Variants in JCAD observed in about 807,000 individuals in gnomAD.
The protein encoded by JCAD is junctional cadherin 5 associated, also known as junctional cadherin 5-associated protein.
A neutral mutation model predicts 98.0 loss-of-function variants in JCAD; 40 were observed. The observed-to-expected ratio is 0.41, with a 90% CI of 0.32 to 0.53. The LOEUF is 0.53. Among genes scored for constraint, JCAD ranks in the 20% least tolerant of loss-of-function variants. The pLI, the probability that JCAD is intolerant of heterozygous loss-of-function variation, is 0.31. For missense variants in JCAD, 1,705 were observed against 1,738.1 expected, an observed-to-expected ratio of 0.98 and a Z score of 0.34; for synonymous variants, 691 against 682.3, an observed-to-expected ratio of 1.01 and a Z score of -0.20.
chr10:30,079,670 C>G (rs889237342), intron 1 of JCAD, among the ~76,000 whole-genome samples: 3 of 152,134 alleles, frequency 2.0e-5, no homozygotes, highest in Non-Finnish European at 4.4e-5. Context: ...CGTGGCCACT[C>G]CTACTGAAAG....
intron 3 of JCAD, chr10:30,025,886 A>G: frequency 1.8e-6 from 1 of 568,602 alleles, no homozygotes; most frequent in Non-Finnish European, 3.1e-6. Context: ...GTGAGATACT[A>G]TCTCAAAAAA....
In JCAD at chr10:30,029,881, G is replaced by C. The variant is rs1366445655; in HGVS notation, c.282-15C>G. 1 of 1,606,676 alleles carries C rather than the reference G, an allele frequency of 6.2e-7. No individual in the cohort carries two copies. Among genetic ancestry groups the C allele is most frequent in the Admixed American group, 1.7e-5 (1 of 58,708 alleles). On this transcript the variant is annotated splice_polypyrimidine_tract_variant and intron_variant, in intron 2 of 3. Transcript: ENST00000375377. ...GATTACAAAACCTACAAAACAAAGA[G>C]TCACAGACGTTAGGCACAGAAGAAA...
At position 30,028,482 on chromosome 10, in the gene JCAD, T is replaced by C; in HGVS notation, c.1666A>G (p.Thr556Ala). Residue 556 changes from threonine to alanine, a missense_variant, in exon 3 of 4, where the codon ACC (threonine) becomes GCC (alanine). By Grantham distance (58) the Thr-to-Ala change is moderately conservative. Around this residue, in one of 3 missense-constraint regions of JCAD, gnomAD observed 1,278 missense variants for 1,243.1 expected, o/e 1.03. Coordinates refer to ENST00000375377, the MANE Select transcript of JCAD (RefSeq NM_020848.4). ...SQGESTCETQ[T>A]KLKKFQTGTR... Reference sequence around the variant, plus strand: ...CCAGTTTGGAACTTTTTGAGCTTGGTTTGAGTTTCGCAGGTGCTCTCGCCC... The same window carrying C: ...CCAGTTTGGAACTTTTTGAGCTTGGCTTGAGTTTCGCAGGTGCTCTCGCCC... 6.2e-7 allele frequency: 1 copy of C among 1,614,230 alleles called. No homozygotes were observed. The highest frequency in any genetic ancestry group is 1.3e-5 in the African/African-American group (1 of 75,064).
At chr10:30,040,831 G>T (rs1332599688) in intron 2 of JCAD, among the ~76,000 whole-genome samples, 1 of 152,102 alleles carries the variant, frequency 6.6e-6, no homozygotes, top group Admixed American at 6.5e-5. Flanking sequence ...GGCTGGACCA[G>T]AAGACCCACT....
intron 1 of JCAD, among the ~76,000 whole-genome samples, chr10:30,076,293 C>T (rs764312924): frequency 2.6e-5 from 4 of 152,128 alleles, no homozygotes; most frequent in Non-Finnish European, 5.9e-5. Context: ...TCCCAAAGTG[C>T]TGGGATTACA....
At chr10:30,086,419 C>T (rs1176837262) in intron 1 of JCAD, among the ~76,000 whole-genome samples, 1 of 152,160 alleles carries the variant, frequency 6.6e-6, no homozygotes, top group Non-Finnish European at 1.5e-5. Context: ...TGAGAGCTTA[C>T]TTCTTTTGGT....
At position 30,052,330 on chromosome 10, in the gene JCAD, A is replaced by T. The variant is rs145208271; in HGVS notation, c.-59-4459T>A. Among the ~76,000 whole-genome samples the T allele has an allele frequency of 4.5e-3, 689 of 152,338 alleles. 10 individuals carry two copies. The South Asian group carries it at 0.05, about 11-fold the overall frequency. On this transcript the variant is annotated intron_variant, in intron 1 of 3. Coordinates refer to ENST00000375377, the MANE Select transcript of JCAD (RefSeq NM_020848.4). ...CTTCTCCTGAAGGAGTAAAATGAGA[A>T]GGCTGAACTAGAGGTTCTTTAGAGT...
chr10:30,021,615 A>C (rs1836661029), intron 3 of JCAD, among the ~76,000 whole-genome samples: 1 of 152,232 alleles, frequency 6.6e-6, no homozygotes, highest in African/African-American at 2.4e-5. Context: ...AACCAATATA[A>C]AAATTATTGA....
intron 2 of JCAD, among the ~76,000 whole-genome samples, chr10:30,037,702 T>G (rs1247112988): frequency 6.6e-6 from 1 of 151,914 alleles, no homozygotes. Context: ...ATTTGAGGAC[T>G]CAGAAGTGAT....
chr10:30,048,165 T>C (rs1348401032), intron 1 of JCAD, among the ~76,000 whole-genome samples: 1 of 152,188 alleles, frequency 6.6e-6, no homozygotes, highest in East Asian at 1.9e-4. Flanking sequence ...AGCAGTGACA[T>C]GATTAACACT....
intron 1 of JCAD, among the ~76,000 whole-genome samples, chr10:30,070,573 A>T (rs973524192): frequency 6.6e-6 from 1 of 152,194 alleles, no homozygotes; most frequent in African/African-American, 2.4e-5. Context: ...ATAGTTCTGG[A>T]TGCCTGGAAT....
At chr10:30,082,203 A>G (rs1016035285) in intron 1 of JCAD, among the ~76,000 whole-genome samples, 2 of 152,212 alleles carry the variant, frequency 1.3e-5, no homozygotes, top group African/African-American at 4.8e-5. Context: ...AAACAGATCC[A>G]TTAGCTGTCA....
chr10:30,102,795 C>T (rs1838493708), intron 1 of JCAD, among the ~76,000 whole-genome samples: 1 of 152,166 alleles, frequency 6.6e-6, no homozygotes, highest in Admixed American at 6.5e-5. Flanking sequence ...TTAATGGACT[C>T]ACAGTTCCAC....
At chr10:30,033,051 G>A (rs77797107) in intron 2 of JCAD, among the ~76,000 whole-genome samples, 1,682 of 152,170 alleles carry the variant, frequency 0.011, 23 homozygotes, top group South Asian at 0.051. Flanking sequence ...TCATTTCAAC[G>A]TTATAATTAC....
intron 2 of JCAD, among the ~76,000 whole-genome samples, chr10:30,047,279 G>T (rs921462684): frequency 6.6e-6 from 1 of 152,218 alleles, no homozygotes; most frequent in African/African-American, 2.4e-5. Context: ...GGCTGAGGCA[G>T]GAGAATTGCT....
At chr10:30,069,446 C>CAAAAAAAAAAAAAAAAAAAA (rs35069678) in intron 2 of JCAD, among the ~76,000 whole-genome samples, 1 of 105,556 alleles carries the variant, frequency 9.5e-6, no homozygotes. Context: ...AGAAAATTTA[C>CAAAAAAAAAAAAAAAAAAAA]AAAAAAAAAA....
chr10:30,047,690 C>G lies in JCAD; in HGVS notation c.123G>C (p.Gln41His), dbSNP rs1424448164. 1 of 1,614,262 alleles carries G rather than the reference C, an allele frequency of 6.2e-7. No individual in the cohort carries two copies. The highest frequency in any genetic ancestry group is 1.1e-5 in the South Asian group (1 of 91,086). Residue 41 changes from glutamine (Q) to histidine (H), a missense_variant, in exon 2 of 4, where the codon CAG becomes CAC. Gln to His is a conservative substitution (Grantham distance 24). Around this residue, in one of 3 missense-constraint regions of JCAD, gnomAD observed 152 missense variants for 148.0 expected, o/e 1.03. Coordinates refer to ENST00000375377, the MANE Select transcript of JCAD (RefSeq NM_020848.4). ...CATCCTCATGCCCGTTCTGCAGGCCCTGGCCTGCTCGTGTCCCAGTCCTCG... is the reference window on the plus strand; with the variant it reads ...CATCCTCATGCCCGTTCTGCAGGCCGTGGCCTGCTCGTGTCCCAGTCCTCG... ...QAARTGTRAGQGLQNGHEDGP... is the reference protein window; with the variant it reads ...QAARTGTRAGHGLQNGHEDGP...
rs759492051 is a variant in JCAD, at chr10:30,028,220, C to T, written c.1928G>A (p.Gly643Glu). The T allele has an allele frequency of 1.2e-6, 2 of 1,614,086 alleles. No individual in the cohort carries two copies. Among genetic ancestry groups the T allele is most frequent in the Non-Finnish European group, 1.7e-6 (2 of 1,180,042 alleles). Reference protein sequence around the residue: ...ELQALTGSMGGRTEFQKQDLG... With the variant: ...ELQALTGSMGERTEFQKQDLG... ...ATCTTGTTTTTGGAACTCCGTTCTC[C>T]CACCCATGCTTCCTGTGAGGGCCTG... Residue 643 changes from glycine to glutamate, a missense_variant, in exon 3 of 4, where the codon GGG becomes GAG. By Grantham distance (98) the Gly-to-Glu change is moderately conservative. Around this residue, in one of 3 missense-constraint regions of JCAD, gnomAD observed 1,278 missense variants for 1,243.1 expected, o/e 1.03. Transcript: ENST00000375377.
At position 30,016,128 on chromosome 10, in the gene JCAD, C is replaced by G. The variant is rs1476519448; in HGVS notation, c.*1755G>C. On this transcript the variant is annotated 3_prime_UTR_variant, in exon 4 of 4. Transcript: ENST00000375377. Reference sequence around the variant, plus strand: ...AGGTTCTGTTTTGTTTGTTACAGTCCAAATACATAAAGTTATTATGAAATA... The same window carrying G: ...AGGTTCTGTTTTGTTTGTTACAGTCGAAATACATAAAGTTATTATGAAATA... 2 of 152,104 alleles carry G rather than the reference C, an allele frequency of 1.3e-5. No individual in the cohort carries two copies. The highest frequency in any genetic ancestry group is 4.8e-5 in the African/African-American group (2 of 41,402). 9.4% of individuals were successfully genotyped at this position (152,104 alleles called of 1,614,324 possible). A position where few individuals can be genotyped will look rare whatever the true frequency, so the allele number is the denominator to read the frequency against.
Sources: allele counts gnomAD v4.1 joint callset (sites outside exome capture counted in the v4.1 genomes callset), GRCh38; gene constraint gnomAD v4.1.1; regional missense constraint gnomAD v4.1.1; transcripts MANE v1.5; gene names NCBI Gene and HGNC (gene_info 2026-07-23, HGNC 2026-07-21).